Variants in CCNT2 observed in about 807,000 individuals in gnomAD.
CCNT2 encodes the protein cyclin-T2.
CCNT2 carries 18 observed loss-of-function variants against 70.0 expected under a neutral mutation model. The observed-to-expected ratio is 0.26, with a 90% CI of 0.18 to 0.38. The LOEUF (loss-of-function observed/expected upper bound fraction) is 0.38. Ranked by LOEUF, CCNT2 falls within the 10% of genes least tolerant of loss-of-function variation. CCNT2 has a pLI of 1.00. For missense variants in CCNT2, 734 were observed against 890.2 expected (o/e 0.82, Z 2.23); for synonymous variants, 334 against 313.3 (o/e 1.07, Z -0.70).
chr2:134,936,745 A>C (rs1008090857), intron 2 of CCNT2, 96 bp from the exon 3 acceptor site: 1 of 1,121,928 alleles, frequency 8.9e-7, no homozygotes, highest in Non-Finnish European at 1.2e-6. Context: ...CAGGAGCGAA[A>C]CTCCACCTCA....
At chr2:134,940,221 G>A (rs999569280) in intron 4 of CCNT2, among the ~76,000 whole-genome samples, 10 of 152,096 alleles carry the variant, frequency 6.6e-5, no homozygotes, top group African/African-American at 2.4e-4. Flanking sequence ...AAATACATAT[G>A]CAGTTGACCC....
chr2:134,937,924 A>T (rs558558774), intron 3 of CCNT2, among the ~76,000 whole-genome samples: 5 of 151,944 alleles, frequency 3.3e-5, no homozygotes, highest in South Asian at 2.1e-4. Flanking sequence ...CAAAAAAAAA[A>T]TTTTTTTTTC....
rs1180301834 is a variant in CCNT2 at position 134,928,348 on chromosome 2, G to A, written c.240+8457G>A. 3.6e-5 allele frequency among the ~76,000 whole-genome samples: 5 copies of A among 139,722 alleles called. No homozygotes were observed. The East Asian group carries it at 8.8e-4, about 25-fold the overall frequency. 91.7% of individuals were successfully genotyped at this position (139,722 alleles called of 152,430 possible). On this transcript the variant is annotated intron_variant, in intron 2 of 8. Transcript: ENST00000264157. ...GGCTGGAGTGCAATGGCGCGATCTC[G>A]GCTCACCACCGCCTCTGCCTCCCAG...
intron 7 of CCNT2, among the ~76,000 whole-genome samples, chr2:134,951,963 T>C (rs1447734058): frequency 1.3e-5 from 2 of 152,208 alleles, no homozygotes; most frequent in Non-Finnish European, 2.9e-5. Flanking sequence ...CACTGACACT[T>C]AGGAGAATAA....
chr2:134,932,762 C>G (rs1183061598), intron 2 of CCNT2, among the ~76,000 whole-genome samples: 2 of 152,136 alleles, frequency 1.3e-5, no homozygotes, highest in Admixed American at 1.3e-4. Context: ...TTGGCAAATG[C>G]CAATTAACAA....
intron 2 of CCNT2, among the ~76,000 whole-genome samples, chr2:134,925,793 G>A (rs551173373): frequency 6.6e-6 from 1 of 151,508 alleles, no homozygotes; most frequent in African/African-American, 2.4e-5. Context: ...CTTATACCCA[G>A]GAGTAGAATT....
At chr2:134,920,311 T>A (rs1559085266) in intron 2 of CCNT2, 1 of 152,634 alleles carries the variant, frequency 6.6e-6, no homozygotes. Context: ...ATTATGACAT[T>A]CTTTTGAAAG....
chr2:134,954,751 C>T lies in CCNT2; in HGVS notation c.*103C>T, dbSNP rs998108952. ...CAGTGGTAACCCCTGCTGTTGCTGCCACTGCTTCAATATTTGTAAGTGCTG... is the reference window on the plus strand; with the variant it reads ...CAGTGGTAACCCCTGCTGTTGCTGCTACTGCTTCAATATTTGTAAGTGCTG... On this transcript the variant is annotated 3_prime_UTR_variant, in exon 9 of 9. Transcript: ENST00000264157. 2.1e-5 allele frequency: 14 copies of T among 679,834 alleles called. No homozygotes were observed. The Admixed American group carries it at 2.8e-4, about 14-fold the overall frequency. The allele number at this position is 679,834 out of a possible 1,614,324, so 42.1% of individuals were successfully genotyped here.
At chr2:134,929,333 G>A in intron 2 of CCNT2, among the ~76,000 whole-genome samples, 1 of 152,064 alleles carries the variant, frequency 6.6e-6, no homozygotes, top group East Asian at 1.9e-4. Flanking sequence ...GGCCAGGCAT[G>A]GTGGCTCACA....
chr2:134,940,223 A>G (rs185756561), intron 4 of CCNT2, among the ~76,000 whole-genome samples: 7 of 152,324 alleles, frequency 4.6e-5, no homozygotes, highest in Admixed American at 4.6e-4. Context: ...ATACATATGC[A>G]GTTGACCCTC....
At chr2:134,941,654 A>G (rs1053008657) in intron 4 of CCNT2, among the ~76,000 whole-genome samples, 1 of 152,222 alleles carries the variant, frequency 6.6e-6, no homozygotes, top group Non-Finnish European at 1.5e-5. Flanking sequence ...TTGTTTTACT[A>G]TACAAAATTA....
At chr2:134,952,832 C>G (rs1682625586) in intron 8 of CCNT2, 121 bp downstream of exon 8, 2 of 714,908 alleles carry the variant, frequency 2.8e-6, no homozygotes, top group Non-Finnish European at 4.8e-6. Flanking sequence ...TTCAACGTAT[C>G]TCAAGTTACA....
chr2:134,940,725 G>A (rs1163323878), intron 4 of CCNT2, among the ~76,000 whole-genome samples: 5 of 152,038 alleles, frequency 3.3e-5, no homozygotes. Context: ...AGAGGTTCTG[G>A]CATATTTTTA....
chr2:134,954,552 C>T lies in CCNT2; in HGVS notation c.2097C>T (p.Ala699=). 6.2e-7 allele frequency: 1 copy of T among 1,613,948 alleles called. No homozygotes were observed. The highest frequency in any genetic ancestry group is 1.1e-5 in the South Asian group (1 of 91,076). Residue 699 remains alanine (A), a synonymous_variant, in exon 9 of 9, where the codon GCC becomes GCT. Coordinates refer to ENST00000264157, the MANE Select transcript of CCNT2 (RefSeq NM_058241.3). ...KKPVETNGPD[A]NHEYSTSSQH... is the part of the protein sequence containing the mutation. ...CAGTGGAGACCAACGGTCCTGATGC[C>T]AATCACGAGTACAGTACAAGCAGCC...
Position 134,956,913 on chromosome 2 carries a change from A to G in CCNT2, c.*2265A>G, listed in dbSNP as rs1214161991. The G allele has an allele frequency of 6.6e-6, 1 of 152,606 alleles. No individual in the cohort carries two copies. The highest frequency in any genetic ancestry group is 2.4e-5 in the African/African-American group (1 of 41,452). The allele number at this position is 152,606 out of a possible 1,614,324, so 9.5% of individuals were successfully genotyped here. A position where few individuals can be genotyped will look rare whatever the true frequency, so the allele number is the denominator to read the frequency against. ...TTGTTATGGGTCAGTACTTATTAGT[A>G]CTTCCAAAATTGAATTTGAAATGCT... On this transcript the variant is annotated 3_prime_UTR_variant, in exon 9 of 9. Transcript: ENST00000264157.
chr2:134,928,661 A>G (rs1680491319), intron 2 of CCNT2, among the ~76,000 whole-genome samples: 2 of 152,154 alleles, frequency 1.3e-5, no homozygotes. Context: ...CATTCACACT[A>G]TAGTAATTCC....
chr2:134,928,774 C>A (rs550231759), intron 2 of CCNT2, among the ~76,000 whole-genome samples: 1 of 151,318 alleles, frequency 6.6e-6, no homozygotes, highest in Non-Finnish European at 1.5e-5. Context: ...GGCCAAAAAT[C>A]GGAAGATAAT....
At chr2:134,946,834 T>C (rs936716550) in intron 6 of CCNT2, among the ~76,000 whole-genome samples, 2 of 152,198 alleles carry the variant, frequency 1.3e-5, no homozygotes, top group Admixed American at 6.5e-5. Flanking sequence ...AATTCTGTTC[T>C]AGATTTATTA....
intron 2 of CCNT2, among the ~76,000 whole-genome samples, chr2:134,932,579 T>C (rs1423398804): frequency 6.6e-6 from 1 of 152,232 alleles, no homozygotes; most frequent in Non-Finnish European, 1.5e-5. Context: ...ATAAATTTGC[T>C]TTCATGTCAG....
Sources: allele counts gnomAD v4.1 joint callset (sites outside exome capture counted in the v4.1 genomes callset), GRCh38; gene constraint gnomAD v4.1.1; transcripts MANE v1.5; gene names NCBI Gene and HGNC (gene_info 2026-07-23, HGNC 2026-07-21).